Variants in KCNQ3 observed in about 807,000 individuals in gnomAD.
The protein encoded by KCNQ3 is potassium voltage-gated channel subfamily Q member 3.
In KCNQ3, 30 loss-of-function variants were observed where a neutral mutation model predicts 92.5. The observed-to-expected ratio is 0.32, with a 90% CI of 0.24 to 0.44. The LOEUF (loss-of-function observed/expected upper bound fraction) is 0.44, where lower values mean the gene tolerates loss of function less well. Among genes scored for constraint, KCNQ3 ranks in the 20% least tolerant of loss-of-function variants. The pLI is 1.00. For missense variants in KCNQ3, 913 were observed against 1,140.3 expected (o/e 0.80, Z 2.87); for synonymous variants, 450 against 468.8 (o/e 0.96, Z 0.52).
chr8:132,144,533 C>T (rs978421790), intron 9 of KCNQ3, among the ~76,000 whole-genome samples: 1 of 152,200 alleles, frequency 6.6e-6, no homozygotes, highest in African/African-American at 2.4e-5. Flanking sequence ...GGGCTCTTGA[C>T]ATGTTAAGTG....
intron 1 of KCNQ3, among the ~76,000 whole-genome samples, chr8:132,251,053 G>A (rs1815391385): frequency 6.6e-6 from 1 of 152,154 alleles, no homozygotes. Context: ...GATCATTTGA[G>A]CTCAAGTGTT....
chr8:132,390,529 T>A (rs1348775842), intron 1 of KCNQ3, among the ~76,000 whole-genome samples: 2 of 152,126 alleles, frequency 1.3e-5, no homozygotes, highest in African/African-American at 4.8e-5. Flanking sequence ...GAAATCAGGA[T>A]CTTTGAGAGC....
At chr8:132,157,256 C>T (rs1444012587) in intron 9 of KCNQ3, among the ~76,000 whole-genome samples, 4 of 152,120 alleles carry the variant, frequency 2.6e-5, no homozygotes, top group Non-Finnish European at 1.5e-5. Context: ...CTAAGGGATA[C>T]CATGCTCATA....
At chr8:132,240,049 G>C (rs1814936072) in intron 1 of KCNQ3, among the ~76,000 whole-genome samples, 1 of 152,162 alleles carries the variant, frequency 6.6e-6, no homozygotes, top group Non-Finnish European at 1.5e-5. Context: ...TTTGCAGCTT[G>C]CGTCTAATGC....
At chr8:132,300,841 C>A (rs1319081613) in intron 1 of KCNQ3, among the ~76,000 whole-genome samples, 1 of 152,078 alleles carries the variant, frequency 6.6e-6, no homozygotes, top group Admixed American at 6.5e-5. Flanking sequence ...AGTATCAGTA[C>A]CACCGATCAC....
chr8:132,175,415 T>C, intron 5 of KCNQ3, 38 bp downstream of exon 5: 1 of 1,611,214 alleles, frequency 6.2e-7, no homozygotes, highest in South Asian at 1.1e-5. Context: ...CTCTTGACAG[T>C]CAATCTCACA....
At chr8:132,396,945 T>G (rs11779102) in intron 1 of KCNQ3, among the ~76,000 whole-genome samples, 2,066 of 144,034 alleles carry the variant, frequency 0.014, 23 homozygotes, top group Non-Finnish European at 0.023. Flanking sequence ...AAATTGTGTG[T>G]GTGCGTGTGT....
intron 1 of KCNQ3, among the ~76,000 whole-genome samples, chr8:132,380,255 A>G (rs1032296151): frequency 1.3e-5 from 2 of 152,164 alleles, no homozygotes; most frequent in African/African-American, 4.8e-5. Context: ...ATGGGTTTTG[A>G]GCCCAGGCCA....
chr8:132,181,141 A>G (rs931185066), intron 3 of KCNQ3, among the ~76,000 whole-genome samples: 10 of 152,210 alleles, frequency 6.6e-5, no homozygotes, highest in African/African-American at 2.4e-4. Flanking sequence ...CACTACAGAC[A>G]TTTCAGAGAT....
rs1433483426 is a variant in KCNQ3 at position 132,480,442 on chromosome 8, C to G, written c.91G>C (p.Gly31Arg). Reference protein sequence around the residue: ...GGGGAANPAGGDAAAAGDEER... With the variant: ...GGGGAANPAGRDAAAAGDEER... ...TCGTCGCCGGCCGCCGCCGCGTCCC[C>G]TCCGGCTGGGTTAGCCGCCCCGCCG... The change falls in exon 1 of 15, where the codon GGG (glycine) becomes CGG (arginine). Residue 31 changes from glycine to arginine, a missense_variant. By Grantham distance (125) the Gly-to-Arg change is moderately radical. Coordinates refer to ENST00000388996, the MANE Select transcript of KCNQ3 (RefSeq NM_004519.4). 1 of 1,417,182 alleles carries G rather than the reference C, an allele frequency of 7.1e-7. No homozygotes were observed. The highest frequency in any genetic ancestry group is 9.2e-7 in the Non-Finnish European group (1 of 1,086,348). 87.8% of individuals were successfully genotyped at this position (1,417,182 alleles called of 1,614,324 possible).
At chr8:132,386,915 A>T (rs924416353) in intron 1 of KCNQ3, among the ~76,000 whole-genome samples, 1 of 152,214 alleles carries the variant, frequency 6.6e-6, no homozygotes, top group African/African-American at 2.4e-5. Context: ...AATATGATTT[A>T]AAAAACAAAG....
intron 1 of KCNQ3, among the ~76,000 whole-genome samples, chr8:132,451,113 A>G (rs374884843): frequency 2.0e-5 from 3 of 152,290 alleles, no homozygotes; most frequent in African/African-American, 7.2e-5. Flanking sequence ...TAACTGAATC[A>G]TGGGGGTGGG....
intron 1 of KCNQ3, among the ~76,000 whole-genome samples, chr8:132,251,146 G>C (rs1403617850): frequency 6.6e-6 from 1 of 152,040 alleles, no homozygotes; most frequent in East Asian, 1.9e-4. Flanking sequence ...ATGCATATGT[G>C]GTCCCAGCTA....
At position 132,174,306 on chromosome 8, in the gene KCNQ3, G is replaced by A. The variant is rs1326172406; in HGVS notation, c.977C>T (p.Thr326Met). 1 of 1,552,318 alleles carries A rather than the reference G, an allele frequency of 6.4e-7. No individual in the cohort carries two copies. Among genetic ancestry groups the A allele is most frequent in the Non-Finnish European group, 8.7e-7 (1 of 1,147,300 alleles). ...TIGYGDKTPKTWEGRLIAATF... is the reference protein window; with the variant it reads ...TIGYGDKTPKMWEGRLIAATF... ...GGCGGCAATCAGACGGCCTTCCCACGTTTTGGGTGTCTTGTCTCCATAGCC... is the reference window on the plus strand; with the variant it reads ...GGCGGCAATCAGACGGCCTTCCCACATTTTGGGTGTCTTGTCTCCATAGCC... The change falls in exon 6 of 15, where the codon ACG (threonine) becomes ATG (methionine). Residue 326 changes from threonine (T) to methionine (M), a missense_variant. By Grantham distance (81) the Thr-to-Met change is moderately conservative. Around this residue, in one of 6 missense-constraint regions of KCNQ3, gnomAD observed 52 missense variants for 127.7 expected, o/e 0.41. Coordinates refer to ENST00000388996, the MANE Select transcript of KCNQ3 (RefSeq NM_004519.4).
intron 1 of KCNQ3, among the ~76,000 whole-genome samples, chr8:132,394,182 C>A (rs979376456): frequency 2.0e-5 from 3 of 152,214 alleles, no homozygotes; most frequent in Admixed American, 2.0e-4. Context: ...GTGCCAAGCA[C>A]TATGCAACAT....
At chr8:132,395,996 T>G (rs752943306) in intron 1 of KCNQ3, among the ~76,000 whole-genome samples, 1 of 152,204 alleles carries the variant, frequency 6.6e-6, no homozygotes, top group Non-Finnish European at 1.5e-5. Flanking sequence ...TGGAAGGATT[T>G]GGGTTACTAT....
intron 1 of KCNQ3, among the ~76,000 whole-genome samples, chr8:132,354,262 G>T (rs1818953697): frequency 6.6e-6 from 1 of 152,082 alleles, no homozygotes; most frequent in African/African-American, 2.4e-5. Context: ...TATTTTCAGG[G>T]TCTCCACCCC....
At chr8:132,471,382 C>T (rs1331409731) in intron 1 of KCNQ3, among the ~76,000 whole-genome samples, 1 of 152,082 alleles carries the variant, frequency 6.6e-6, no homozygotes, top group Non-Finnish European at 1.5e-5. Context: ...CACTGGTCAC[C>T]CTCCAAGTCA....
At chr8:132,137,028 A>ATTT (rs34860665) in intron 12 of KCNQ3, among the ~76,000 whole-genome samples, 2 of 141,130 alleles carry the variant, frequency 1.4e-5, no homozygotes. Context: ...CCATGCCTGG[A>ATTT]TTTTTTTTTT....
Sources: gnomAD v4.1 joint callset for allele counts (sites outside exome capture counted in the v4.1 genomes callset) on GRCh38, gnomAD v4.1.1 for gene constraint, gnomAD v4.1.1 regional missense constraint, MANE v1.5 for transcripts, NCBI Gene and HGNC (gene_info 2026-07-23, HGNC 2026-07-21) for gene names.